The following CCDC88C variants were observed in gnomAD, a reference collection of about 807,000 sequenced individuals.
The protein encoded by CCDC88C is coiled-coil and HOOK domain protein 88C.
A neutral mutation model predicts 198.8 loss-of-function variants in CCDC88C; 131 were observed. That is an observed-to-expected ratio of 0.66 (90% CI 0.57 to 0.76). CCDC88C has a LOEUF of 0.76. Among genes scored for constraint, CCDC88C ranks in the 30% least tolerant of loss-of-function variants. The pLI, the probability that CCDC88C is intolerant of heterozygous loss-of-function variation, is 0.00. For missense variants in CCDC88C, 2,553 were observed against 2,631.6 expected, an observed-to-expected ratio of 0.97 and a Z score of 0.65; for synonymous variants, 1,166 against 1,114.7, an observed-to-expected ratio of 1.05 and a Z score of -0.92.
chr14:91,410,258 G>T (rs558239994), intron 2 of CCDC88C, among the ~76,000 whole-genome samples: 1 of 152,158 alleles, frequency 6.6e-6, no homozygotes. Context: ...CCTTCCATCT[G>T]ACAGTCCCAA....
At chr14:91,385,779 C>T (rs923511633) in intron 3 of CCDC88C, among the ~76,000 whole-genome samples, 4 of 151,498 alleles carry the variant, frequency 2.6e-5, no homozygotes, top group African/African-American at 7.3e-5. Context: ...GCCTGGGCAA[C>T]ATAGCAAGAC....
chr14:91,275,595 A>T (rs994575150), intron 29 of CCDC88C, among the ~76,000 whole-genome samples: 1 of 151,326 alleles, frequency 6.6e-6, no homozygotes, highest in African/African-American at 2.4e-5. Flanking sequence ...CTCCTGCCTC[A>T]ACCTCCCGAG....
chr14:91,275,108 T>C (rs929100348), intron 29 of CCDC88C, among the ~76,000 whole-genome samples: 1 of 152,078 alleles, frequency 6.6e-6, no homozygotes, highest in African/African-American at 2.4e-5. Context: ...GTGTCAGGGG[T>C]ACCAGGAGGG....
At chr14:91,385,242 C>T (rs190986610) in intron 3 of CCDC88C, among the ~76,000 whole-genome samples, 3 of 152,302 alleles carry the variant, frequency 2.0e-5, no homozygotes, top group Admixed American at 1.3e-4. Flanking sequence ...TGCCAGCCCA[C>T]CGCAGCCAGG....
At chr14:91,380,358 C>T (rs1342045476) in intron 3 of CCDC88C, among the ~76,000 whole-genome samples, 1 of 152,118 alleles carries the variant, frequency 6.6e-6, no homozygotes, top group Non-Finnish European at 1.5e-5. Flanking sequence ...AGGAGTCAGG[C>T]CCGCATCTCT....
At chr14:91,380,987 A>G (rs778086988) in intron 3 of CCDC88C, among the ~76,000 whole-genome samples, 2 of 152,250 alleles carry the variant, frequency 1.3e-5, no homozygotes, top group Non-Finnish European at 2.9e-5. Flanking sequence ...GAAAAATTTA[A>G]GTAACTCTTC....
Position 91,308,464 on chromosome 14 carries a change from C to G in CCDC88C, c.2893G>C (p.Glu965Gln). 2.5e-6 allele frequency: 4 copies of G among 1,613,952 alleles called. No homozygotes were observed. Among genetic ancestry groups the G allele is most frequent in the Non-Finnish European group, 3.4e-6 (4 of 1,179,854 alleles). ...GCTAGTGTTGTTTTTAATGCTGATT[C>G]ATTTCTGCCCTCCAAAATCTTGTAT... ...TKYKILEGRN[E>Q]SALKTTLAMK... is the part of the protein sequence containing the mutation. Residue 965 changes from glutamate (E) to glutamine (Q), a missense_variant, in exon 17 of 30, where the codon GAA becomes CAA. Physicochemically the swap from Glu to Gln is conservative, Grantham distance 29. Around this residue, in one of 2 missense-constraint regions of CCDC88C, gnomAD observed 1,260 missense variants for 1,412.0 expected, o/e 0.89. Transcript: ENST00000389857.
chr14:91,316,557 G>C (rs1244313261), intron 13 of CCDC88C, among the ~76,000 whole-genome samples: 5 of 152,048 alleles, frequency 3.3e-5, no homozygotes, highest in Non-Finnish European at 7.3e-5. Context: ...TGAGTAACTA[G>C]GACTACAGAA....
chr14:91,373,346 G>A (rs990529793), intron 3 of CCDC88C, among the ~76,000 whole-genome samples: 1 of 152,146 alleles, frequency 6.6e-6, no homozygotes, highest in African/African-American at 2.4e-5. Flanking sequence ...AGTGTGCCAC[G>A]GTTCATCAGT....
At chr14:91,374,567 C>T (rs577937488) in intron 3 of CCDC88C, among the ~76,000 whole-genome samples, 116 of 151,624 alleles carry the variant, frequency 7.7e-4, no homozygotes, top group Admixed American at 1.2e-3. Flanking sequence ...GCCAGGTGGA[C>T]GGGTGGAACT....
At chr14:91,362,667 C>T (rs774433448) in intron 3 of CCDC88C, among the ~76,000 whole-genome samples, 6 of 152,106 alleles carry the variant, frequency 3.9e-5, no homozygotes, top group Non-Finnish European at 8.8e-5. Context: ...CGGTGGCTCA[C>T]GCCTGTAATC....
At chr14:91,312,908 T>C (rs527526376) in intron 15 of CCDC88C, among the ~76,000 whole-genome samples, 172 bp downstream of exon 15, 14 of 152,360 alleles carry the variant, frequency 9.2e-5, no homozygotes, top group African/African-American at 2.9e-4. Context: ...GGTTGTAAGA[T>C]TGTAATACGT....
In CCDC88C at chr14:91,303,698, T is replaced by C. The variant is rs1366654530; in HGVS notation, c.3635+3A>G. On this transcript the variant is annotated splice_donor_region_variant and intron_variant, in intron 20 of 29. Coordinates refer to ENST00000389857, the MANE Select transcript of CCDC88C (RefSeq NM_001080414.4). The stretch of plus-strand genomic sequence containing the variant: ...CAGATCCCCTTCCTTCCCCAGGCCC[T>C]ACCTCTCCCCGAGCTCCTTGTGCTC... The C allele has an allele frequency of 6.4e-7, 1 of 1,553,416 alleles. No individual in the cohort carries two copies. The highest frequency in any genetic ancestry group is 8.7e-7 in the Non-Finnish European group (1 of 1,145,912).
chr14:91,299,064 G>A (rs1295686956), intron 21 of CCDC88C, among the ~76,000 whole-genome samples: 1 of 152,198 alleles, frequency 6.6e-6, no homozygotes, highest in African/African-American at 2.4e-5. Context: ...AGTGAACAGC[G>A]AAGCATCCAG....
At chr14:91,391,837 G>A (rs890648042) in intron 3 of CCDC88C, among the ~76,000 whole-genome samples, 1 of 151,986 alleles carries the variant, frequency 6.6e-6, no homozygotes, top group African/African-American at 2.4e-5. Flanking sequence ...ATGTTCCTGA[G>A]TGTACTATAT....
intron 3 of CCDC88C, among the ~76,000 whole-genome samples, chr14:91,383,439 A>G (rs1157333973): frequency 6.6e-6 from 1 of 152,150 alleles, no homozygotes; most frequent in African/African-American, 2.4e-5. Flanking sequence ...AAGGAATGAG[A>G]AAGCCCCTCC....
Position 91,387,374 on chromosome 14 carries a change from G to A in CCDC88C, c.270+21285C>T, listed in dbSNP as rs978465704. On this transcript the variant is annotated intron_variant, in intron 3 of 29. Coordinates refer to ENST00000389857, the MANE Select transcript of CCDC88C (RefSeq NM_001080414.4). ...GGTTTGGCGAATTGGCTCAGATGACGGTTACACTCCGCTGCGTCTTCTTCC... is the reference window on the plus strand; with the variant it reads ...GGTTTGGCGAATTGGCTCAGATGACAGTTACACTCCGCTGCGTCTTCTTCC... Among the ~76,000 whole-genome samples, 12 of 152,292 alleles carry A rather than the reference G, an allele frequency of 7.9e-5. 1 individual carries two copies. Among genetic ancestry groups the A allele is most frequent in the Middle Eastern group, 6.8e-3 (2 of 294 alleles).
At chr14:91,370,403 C>A (rs540230745) in intron 3 of CCDC88C, among the ~76,000 whole-genome samples, 1 of 152,326 alleles carries the variant, frequency 6.6e-6, no homozygotes, top group Non-Finnish European at 1.5e-5. Context: ...GGGAGGGAAC[C>A]AGAGGATGTT....
At chr14:91,349,343 G>A (rs921439448) in intron 4 of CCDC88C, among the ~76,000 whole-genome samples, 6 of 152,238 alleles carry the variant, frequency 3.9e-5, no homozygotes, top group African/African-American at 1.2e-4. Context: ...GACTTATCGG[G>A]TAGGCAAGTG....
Sources: allele counts gnomAD v4.1 joint callset (sites outside exome capture counted in the v4.1 genomes callset), GRCh38; gene constraint gnomAD v4.1.1; regional missense constraint gnomAD v4.1.1; transcripts MANE v1.5; gene names NCBI Gene and HGNC (gene_info 2026-07-23, HGNC 2026-07-21).